The following LRRIQ1 variants were observed in gnomAD, a reference collection of about 807,000 sequenced individuals.
The protein encoded by LRRIQ1 is leucine-rich repeat- and IQ domain-containing protein 1.
A neutral mutation model predicts 211.9 loss-of-function variants in LRRIQ1; 210 were observed. The observed-to-expected ratio is 0.99, with a 90% confidence interval of 0.89 to 1.11. LRRIQ1 has a LOEUF of 1.11. LRRIQ1 is among the 50% of genes most tolerant of loss of function. The probability of loss-of-function intolerance (pLI) is 0.00; values close to 1 mark genes in which losing one functional copy is unlikely to be tolerated. For missense variants in LRRIQ1, 2,136 were observed against 1,939.5 expected (o/e 1.10, Z -1.90); for synonymous variants, 699 against 650.1 (o/e 1.08, Z -1.14).
intron 24 of LRRIQ1, among the ~76,000 whole-genome samples, chr12:85,186,044 T>G (rs1293999230): frequency 6.6e-6 from 1 of 152,080 alleles, no homozygotes; most frequent in Admixed American, 6.6e-5. Flanking sequence ...ATCATAATTT[T>G]AAATAATATT....
chr12:85,071,425 A>G (rs1199347587), intron 10 of LRRIQ1, among the ~76,000 whole-genome samples: 1 of 151,882 alleles, frequency 6.6e-6, no homozygotes, highest in Non-Finnish European at 1.5e-5. Context: ...GAGTTTTCCT[A>G]TTTTTGCCTT....
At chr12:85,142,463 A>G (rs1453249447) in intron 19 of LRRIQ1, among the ~76,000 whole-genome samples, 1 of 151,622 alleles carries the variant, frequency 6.6e-6, no homozygotes, top group African/African-American at 2.4e-5. Flanking sequence ...ACACATTTTT[A>G]TAGTGAGAAT....
chr12:85,245,067 C>G lies in LRRIQ1; in HGVS notation c.*126C>G. The G allele has an allele frequency of 7.4e-7, 1 of 1,349,366 alleles. No individual in the cohort carries two copies. 83.6% of individuals were successfully genotyped at this position (1,349,366 alleles called of 1,614,324 possible). A position where few individuals can be genotyped will look rare whatever the true frequency, so the allele number is the denominator to read the frequency against. ...AATTTTTTCTTTCTTTAAATATCCT[C>G]TTTTGATATAAACAAAATTAAATTA... is the stretch of plus-strand genomic sequence containing the variant. On this transcript the variant is annotated 3_prime_UTR_variant, in exon 27 of 27. Transcript: ENST00000393217.
At chr12:85,132,234 T>A (rs191059731) in intron 18 of LRRIQ1, among the ~76,000 whole-genome samples, 46 of 151,928 alleles carry the variant, frequency 3.0e-4, no homozygotes, top group African/African-American at 1.1e-3. Flanking sequence ...ATTATGTTGA[T>A]ATTTTAAAAA....
chr12:85,120,806 G>A (rs1887920519), intron 15 of LRRIQ1, among the ~76,000 whole-genome samples: 1 of 152,018 alleles, frequency 6.6e-6, no homozygotes, highest in Non-Finnish European at 1.5e-5. Flanking sequence ...GTAACTATCA[G>A]CAGCCTGGTG....
At chr12:85,210,314 AT>A (rs11343612) in intron 24 of LRRIQ1, among the ~76,000 whole-genome samples, 17,775 of 152,188 alleles carry the variant, frequency 0.12, 2,102 homozygotes, top group African/African-American at 0.3. Context: ...GTTTGTGATC[AT>A]TTACAGCATA....
intron 10 of LRRIQ1, among the ~76,000 whole-genome samples, chr12:85,071,145 T>C (rs1431401997): frequency 6.6e-6 from 1 of 151,970 alleles, no homozygotes; most frequent in Non-Finnish European, 1.5e-5. Context: ...TGTGCATTAG[T>C]CCATCCTTTT....
intron 26 of LRRIQ1, among the ~76,000 whole-genome samples, chr12:85,243,582 A>C (rs1477649348): frequency 6.6e-6 from 1 of 151,132 alleles, no homozygotes; most frequent in Non-Finnish European, 1.5e-5. Flanking sequence ...TACATATGTT[A>C]ATTTGCTCAA....
intron 24 of LRRIQ1, among the ~76,000 whole-genome samples, chr12:85,170,933 A>C (rs1036131716): frequency 6.6e-6 from 1 of 152,136 alleles, no homozygotes; most frequent in Non-Finnish European, 1.5e-5. Flanking sequence ...ATCATCTCCA[A>C]AAATAGATAA....
chr12:85,127,600 A>ACTC lies in LRRIQ1; in HGVS notation c.4008-230_4008-228dup, dbSNP rs149995862. Reference sequence around the variant, plus strand: ...TCTCTCCTTAAAAGAAACAAATGAAACTCCCTTTTACCCACATACCCAACT... The same window carrying ACTC: ...TCTCTCCTTAAAAGAAACAAATGAAACTCCTCCCTTTTACCCACATACCCAACT... On this transcript the variant is annotated intron_variant, in intron 17 of 26. Coordinates refer to ENST00000393217, the MANE Select transcript of LRRIQ1 (RefSeq NM_001079910.2). 3.0e-3 allele frequency among the ~76,000 whole-genome samples: 460 copies of ACTC among 151,632 alleles called. 3 individuals are homozygous for ACTC. The highest frequency in any genetic ancestry group is 0.017 in the Middle Eastern group (5 of 294).
At chr12:85,220,007 G>T (rs566267407) in intron 24 of LRRIQ1, among the ~76,000 whole-genome samples, 5 of 152,196 alleles carry the variant, frequency 3.3e-5, no homozygotes, top group African/African-American at 1.2e-4. Flanking sequence ...TATTTGTGAG[G>T]TATAATGCAA....
intron 9 of LRRIQ1, among the ~76,000 whole-genome samples, chr12:85,066,312 A>G (rs545113734): frequency 1.3e-5 from 2 of 151,954 alleles, no homozygotes; most frequent in Admixed American, 1.3e-4. Flanking sequence ...AGTTCCTTGG[A>G]TGCATCCACT....
chr12:85,263,260 C>G (rs1351980628), exon 2 of LRRIQ1: 1 of 175,648 alleles, frequency 5.7e-6, no homozygotes, highest in Non-Finnish European at 1.1e-5. Context: ...TTCCTGTGTT[C>G]ATGTGGAATG....
chr12:85,125,037 G>A (rs944179794), intron 17 of LRRIQ1, among the ~76,000 whole-genome samples: 4 of 152,026 alleles, frequency 2.6e-5, no homozygotes, highest in African/African-American at 9.7e-5. Flanking sequence ...AAATTAGCCG[G>A]GCGTTGTGGC....
chr12:85,217,766 G>C (rs1306531278), intron 24 of LRRIQ1, among the ~76,000 whole-genome samples: 4 of 115,246 alleles, frequency 3.5e-5, no homozygotes, highest in Non-Finnish European at 6.3e-5. Context: ...TATATAAAAT[G>C]TGTGTGTCTC....
chr12:85,056,812 C>A lies in LRRIQ1; in HGVS notation c.2019C>A (p.Asp673Glu). 1.2e-6 allele frequency: 2 copies of A among 1,611,010 alleles called. No homozygotes were observed. Among genetic ancestry groups the A allele is most frequent in the Non-Finnish European group, 1.7e-6 (2 of 1,178,902 alleles). ...TAAATATAGAAGGCAAAAGAAATGA[C>A]CAAGATTATGTGTTAGGTAGACATG... ...TMINIEGKRNDQDYVLGRHAP... is the reference protein window; with the variant it reads ...TMINIEGKRNEQDYVLGRHAP... The change falls in exon 8 of 27, where the codon GAC becomes GAA. Residue 673 changes from aspartate (D) to glutamate (E), a missense_variant. Coordinates refer to ENST00000393217, the MANE Select transcript of LRRIQ1 (RefSeq NM_001079910.2).
intron 24 of LRRIQ1, among the ~76,000 whole-genome samples, chr12:85,192,761 G>C (rs1432753046): frequency 1.1e-5 from 1 of 94,730 alleles, no homozygotes; most frequent in East Asian, 3.5e-4. Flanking sequence ...AATATATATA[G>C]TTATATACTA....
chr12:85,062,522 G>GA (rs1881949173), intron 8 of LRRIQ1, among the ~76,000 whole-genome samples: 1 of 151,354 alleles, frequency 6.6e-6, no homozygotes, highest in Non-Finnish European at 1.5e-5. Context: ...GCTGCGAAAG[G>GA]CATGATTTCA....
intron 19 of LRRIQ1, among the ~76,000 whole-genome samples, chr12:85,142,021 A>C (rs1212193936): frequency 1.3e-5 from 2 of 151,124 alleles, no homozygotes; most frequent in Non-Finnish European, 3.0e-5. Flanking sequence ...TTGCTTGAAA[A>C]TTTATTTCTT....
Sources: gnomAD v4.1 joint callset for allele counts (sites outside exome capture counted in the v4.1 genomes callset) on GRCh38, gnomAD v4.1.1 for gene constraint, MANE v1.5 for transcripts, NCBI Gene and HGNC (gene_info 2026-07-23, HGNC 2026-07-21) for gene names.